Variants in UBR3 observed in about 807,000 individuals in gnomAD.
UBR3 encodes E3 ubiquitin-protein ligase UBR3.
Under a neutral mutation model 243.2 loss-of-function variants are expected in UBR3, and 85 were observed. That is an observed-to-expected ratio of 0.35 (90% CI 0.29 to 0.42). UBR3 has a LOEUF of 0.42. UBR3 is among the 10% of genes least tolerant of loss of function. The probability of loss-of-function intolerance (pLI) is 1.00; values close to 1 mark genes in which losing one functional copy is unlikely to be tolerated. For missense variants in UBR3, 1,686 were observed against 2,300.8 expected (o/e 0.73, Z 5.47); for synonymous variants, 748 against 799.8 (o/e 0.94, Z 1.09).
chr2:170,009,717 T>A (rs1331866976), intron 29 of UBR3, among the ~76,000 whole-genome samples: 1 of 152,174 alleles, frequency 6.6e-6, no homozygotes. Flanking sequence ...TAAGTAGTAT[T>A]GTAATAGGTA....
Position 169,861,699 on chromosome 2 carries a change from TTA to T in UBR3, c.546-10535_546-10534del, listed in dbSNP as rs1410001679. Among the ~76,000 whole-genome samples, 5 of 152,238 alleles carry T rather than the reference TTA, an allele frequency of 3.3e-5. No homozygotes were observed. The South Asian group carries it at 8.3e-4, about 25-fold the overall frequency. On this transcript the variant is annotated intron_variant, in intron 1 of 38. Coordinates refer to ENST00000272793, the MANE Select transcript of UBR3 (RefSeq NM_172070.4). ...TTGTCAATTTTTATGTTTATTAATT[TTA>T]TGTTTATTAATCTTTTATGTTTATG...
intron 32 of UBR3, among the ~76,000 whole-genome samples, chr2:170,050,821 C>A (rs900210631): frequency 6.6e-6 from 1 of 152,170 alleles, no homozygotes; most frequent in East Asian, 1.9e-4. Flanking sequence ...AAATAAACAT[C>A]TGTTAAATGA....
At chr2:169,857,262 A>G (rs576296566) in intron 1 of UBR3, among the ~76,000 whole-genome samples, 56 of 151,144 alleles carry the variant, frequency 3.7e-4, no homozygotes, top group Non-Finnish European at 6.6e-4. Context: ...TTTAGTAGAG[A>G]TGGGGCTTCG....
At chr2:169,837,284 C>G (rs1024688108) in intron 1 of UBR3, among the ~76,000 whole-genome samples, 1 of 152,224 alleles carries the variant, frequency 6.6e-6, no homozygotes, top group Non-Finnish European at 1.5e-5. Context: ...CGAGACCAGC[C>G]TGACCAACAT....
At chr2:170,019,176 G>C (rs936924469) in intron 30 of UBR3, among the ~76,000 whole-genome samples, 7 of 151,954 alleles carry the variant, frequency 4.6e-5, no homozygotes, top group Non-Finnish European at 8.8e-5. Context: ...TCAAGAAGAG[G>C]ATAAGGCAAA....
At chr2:169,947,771 G>A in intron 22 of UBR3, 56 bp downstream of exon 22, 1 of 1,353,554 alleles carries the variant, frequency 7.4e-7, no homozygotes, top group Admixed American at 3.5e-5. Flanking sequence ...TGTATGTTAT[G>A]TTGGGATATA....
At chr2:170,009,362 C>G (rs1274732138) in intron 29 of UBR3, among the ~76,000 whole-genome samples, 1 of 151,988 alleles carries the variant, frequency 6.6e-6, no homozygotes, top group Non-Finnish European at 1.5e-5. Context: ...CCGAAAAGAT[C>G]TAGTGATAAC....
chr2:169,858,208 G>C lies in UBR3; in HGVS notation c.546-14028G>C, dbSNP rs559645173. 2.8e-4 allele frequency among the ~76,000 whole-genome samples: 42 copies of C among 152,298 alleles called. 1 individual carries two copies. The highest frequency in any genetic ancestry group is 7.9e-4 in the African/African-American group (33 of 41,560). On this transcript the variant is annotated intron_variant, in intron 1 of 38. Coordinates refer to ENST00000272793, the MANE Select transcript of UBR3 (RefSeq NM_172070.4). The stretch of plus-strand genomic sequence containing the variant: ...TGGCACTGTAATCTTCCAGAGGCTT[G>C]GTTGGGACTGGAGGATCGACTTCTA...
chr2:170,020,012 A>G (rs983101651), intron 30 of UBR3, among the ~76,000 whole-genome samples: 7 of 152,180 alleles, frequency 4.6e-5, no homozygotes, highest in East Asian at 1.9e-4. Flanking sequence ...AGTTTTTGGC[A>G]TCAAGCAATC....
intron 1 of UBR3, among the ~76,000 whole-genome samples, chr2:169,868,807 GA>G (rs1189584256): frequency 6.6e-6 from 1 of 152,120 alleles, no homozygotes; most frequent in East Asian, 1.9e-4. Context: ...TTTCCTTTTT[GA>G]AAGACTAAAA....
intron 11 of UBR3, among the ~76,000 whole-genome samples, chr2:169,919,714 C>T (rs62170320): frequency 0.065 from 9,917 of 152,258 alleles, 343 homozygotes; most frequent in Non-Finnish European, 0.084. Context: ...AAAAAATGCT[C>T]ATCATCACTG....
intron 30 of UBR3, among the ~76,000 whole-genome samples, chr2:170,021,277 T>G (rs2090384712): frequency 6.6e-6 from 1 of 152,144 alleles, no homozygotes; most frequent in African/African-American, 2.4e-5. Flanking sequence ...TTAGCTCAAT[T>G]TTTGTCTTAG....
intron 1 of UBR3, among the ~76,000 whole-genome samples, chr2:169,837,363 C>T (rs1228154390): frequency 6.6e-6 from 1 of 152,204 alleles, no homozygotes; most frequent in Non-Finnish European, 1.5e-5. Context: ...GTAATCCCAG[C>T]TTCTCGGGAG....
At chr2:169,853,407 C>T (rs777515598) in intron 1 of UBR3, among the ~76,000 whole-genome samples, 2 of 151,236 alleles carry the variant, frequency 1.3e-5, no homozygotes, top group African/African-American at 4.9e-5. Flanking sequence ...TCTTTTCTTC[C>T]TTCTTCTTCT....
intron 24 of UBR3, among the ~76,000 whole-genome samples, chr2:169,985,166 A>G (rs900924262): frequency 1.3e-5 from 2 of 150,154 alleles, no homozygotes; most frequent in East Asian, 1.9e-4. Flanking sequence ...TTTTTTCTGC[A>G]TGGTTTTCTC....
rs1553520504 is a variant in UBR3, at chr2:169,967,274, C to CA, written c.3634+8749dup. On this transcript the variant is annotated intron_variant, in intron 24 of 38. Coordinates refer to ENST00000272793, the MANE Select transcript of UBR3 (RefSeq NM_172070.4). ...AGGGTATGCGCCCCCCGCCCCCCCCCACACACAGTTGGTAGCCTATAGATA... is the reference window on the plus strand; with the variant it reads ...AGGGTATGCGCCCCCCGCCCCCCCCCAACACACAGTTGGTAGCCTATAGATA... Among the ~76,000 whole-genome samples the CA allele has an allele frequency of 1.0e-3, 137 of 136,940 alleles. 1 individual carries two copies. The South Asian group carries it at 0.011, about 11-fold the overall frequency. 89.8% of individuals were successfully genotyped at this position (136,940 alleles called of 152,430 possible). A position where few individuals can be genotyped will look rare whatever the true frequency, so the allele number is the denominator to read the frequency against.
chr2:169,990,865 A>T (rs200927581), intron 25 of UBR3, among the ~76,000 whole-genome samples: 1 of 151,520 alleles, frequency 6.6e-6, no homozygotes, highest in South Asian at 2.1e-4. Context: ...GGAAGAATTA[A>T]TTTTTTTTTA....
chr2:169,875,687 T>C, intron 2 of UBR3, 104 bp from the exon 3 acceptor site: 1 of 1,090,212 alleles, frequency 9.2e-7, no homozygotes, highest in Non-Finnish European at 1.2e-6. Context: ...TAAAATACTA[T>C]AATTTAAGCC....
intron 30 of UBR3, among the ~76,000 whole-genome samples, chr2:170,027,889 A>C (rs1305736162): frequency 1.3e-5 from 2 of 151,894 alleles, no homozygotes; most frequent in African/African-American, 4.8e-5. Context: ...CCAGGCTACC[A>C]TAAAAACTGG....
Sources: allele counts gnomAD v4.1 joint callset (sites outside exome capture counted in the v4.1 genomes callset), GRCh38; gene constraint gnomAD v4.1.1; transcripts MANE v1.5; gene names NCBI Gene and HGNC (gene_info 2026-07-23, HGNC 2026-07-21).